Variants in FBN1 observed in about 807,000 individuals in gnomAD.
FBN1 encodes fibrillin 1.
In FBN1, 29 loss-of-function variants were observed where a neutral mutation model predicts 365.1. The observed-to-expected ratio is 0.08, with a 90% CI of 0.06 to 0.11. FBN1 has a LOEUF of 0.11. Ranked by LOEUF, FBN1 falls within the 10% of genes least tolerant of loss-of-function variation. The pLI, the probability that FBN1 is intolerant of heterozygous loss-of-function variation, is 1.00. For synonymous variants in FBN1, 1,210 were observed against 1,270.5 expected, an observed-to-expected ratio of 0.95 and a Z score of 1.01; for missense variants, 2,476 against 3,703.2, an observed-to-expected ratio of 0.67 and a Z score of 8.60.
chr15:48,412,829 T>C, intron 64 of FBN1, 86 bp from the exon 65 acceptor site: 2 of 1,521,514 alleles, frequency 1.3e-6, no homozygotes, highest in Middle Eastern at 2.3e-4. Context: ...AGCCTGTTCC[T>C]TGCAGTTGTG....
chr15:48,452,292 C>A lies in FBN1; in HGVS notation c.5545+270G>T, dbSNP rs2245752. Among the ~76,000 whole-genome samples, 100,413 of 152,034 alleles carry A rather than the reference C, an allele frequency of 0.66. 34,378 individuals are homozygous for A. The highest frequency in any genetic ancestry group is 0.77 in the Middle Eastern group (227 of 294). On this transcript the variant is annotated intron_variant, in intron 45 of 65. Transcript: ENST00000316623. ...TGGGGGTGAGTGTTTGCAGGCAGGG[C>A]AGCAGACAGGCAAATACGAAATCTA...
chr15:48,575,434 T>G (rs575466474), intron 6 of FBN1, among the ~76,000 whole-genome samples: 1 of 152,192 alleles, frequency 6.6e-6, no homozygotes, highest in Non-Finnish European at 1.5e-5. Context: ...GCTTTTACTG[T>G]ACCCATTATC....
At chr15:48,560,941 C>T (rs2044218272) in intron 6 of FBN1, among the ~76,000 whole-genome samples, 1 of 152,124 alleles carries the variant, frequency 6.6e-6, no homozygotes, top group Non-Finnish European at 1.5e-5. Context: ...AGGGATCATG[C>T]CATACTACCC....
intron 6 of FBN1, among the ~76,000 whole-genome samples, chr15:48,552,283 T>C (rs1260425111): frequency 6.6e-6 from 1 of 151,712 alleles, no homozygotes; most frequent in African/African-American, 2.4e-5. Context: ...TTTCTTTTTT[T>C]TTTTTTTGAG....
intron 6 of FBN1, among the ~76,000 whole-genome samples, chr15:48,565,452 A>G (rs2044252966): frequency 6.6e-6 from 1 of 152,118 alleles, no homozygotes; most frequent in Non-Finnish European, 1.5e-5. Flanking sequence ...CCTAACATTA[A>G]TGAACATATC....
chr15:48,644,406 C>A (rs942237778), intron 2 of FBN1, 200 bp downstream of exon 2: 4 of 722,666 alleles, frequency 5.5e-6, no homozygotes, highest in Non-Finnish European at 9.4e-6. Context: ...CACGTCCTCT[C>A]CTTTGGGGCA....
chr15:48,528,688 C>T (rs1366893149), intron 8 of FBN1, among the ~76,000 whole-genome samples: 1 of 152,118 alleles, frequency 6.6e-6, no homozygotes. Flanking sequence ...ATAGTGCACA[C>T]CTCCCTGAGT....
At chr15:48,600,767 A>G (rs1206136670) in intron 4 of FBN1, among the ~76,000 whole-genome samples, 1 of 152,202 alleles carries the variant, frequency 6.6e-6, no homozygotes, top group African/African-American at 2.4e-5. Flanking sequence ...ATAGTGCTAA[A>G]TGACTTCTTT....
At chr15:48,469,428 CTT>C (rs1275154364) in intron 36 of FBN1, among the ~76,000 whole-genome samples, 2 of 152,078 alleles carry the variant, frequency 1.3e-5, no homozygotes, top group African/African-American at 4.8e-5. Context: ...GAATATTTCC[CTT>C]TCAGTTTCTA....
intron 50 of FBN1, among the ~76,000 whole-genome samples, chr15:48,439,477 A>G (rs2043096897): frequency 1.3e-5 from 2 of 152,200 alleles, no homozygotes; most frequent in Non-Finnish European, 2.9e-5. Flanking sequence ...GATCTCTTTT[A>G]TTCTTCAAGT....
At chr15:48,580,917 A>G (rs1019684171) in intron 6 of FBN1, among the ~76,000 whole-genome samples, 3 of 152,182 alleles carry the variant, frequency 2.0e-5, no homozygotes, top group Non-Finnish European at 4.4e-5. Flanking sequence ...CAAAACAGAG[A>G]CTAAAACTGC....
At chr15:48,645,218 G>C (rs1247162536) in intron 1 of FBN1, among the ~76,000 whole-genome samples, 1 of 152,182 alleles carries the variant, frequency 6.6e-6, no homozygotes, top group South Asian at 2.1e-4. Context: ...TAAGCCCCGG[G>C]CGAGCTCTCT....
At chr15:48,453,726 A>G (rs1597538881) in intron 44 of FBN1, among the ~76,000 whole-genome samples, 1 of 152,090 alleles carries the variant, frequency 6.6e-6, no homozygotes, top group East Asian at 1.9e-4. Context: ...GATGCTGATG[A>G]TGGGGGAGGC....
intron 63 of FBN1, among the ~76,000 whole-genome samples, chr15:48,416,442 C>T (rs1251582051): frequency 1.3e-5 from 2 of 152,152 alleles, no homozygotes; most frequent in African/African-American, 2.4e-5. Context: ...ATCACCGAAT[C>T]GGCCCCCTCC....
intron 10 of FBN1, 149 bp from the exon 11 acceptor site, chr15:48,516,511 C>T: frequency 1.2e-6 from 1 of 807,934 alleles, no homozygotes. Flanking sequence ...GAAAAAGAAC[C>T]AACTGACTGG....
intron 4 of FBN1, among the ~76,000 whole-genome samples, chr15:48,608,477 A>G (rs1207220949): frequency 6.6e-6 from 1 of 152,200 alleles, no homozygotes; most frequent in East Asian, 1.9e-4. Flanking sequence ...ACTCCAAAAG[A>G]TGAGAAATGA....
At chr15:48,474,224 G>A (rs375950691) in intron 34 of FBN1, 31 bp downstream of exon 34, 2 of 1,613,832 alleles carry the variant, frequency 1.2e-6, no homozygotes, top group South Asian at 1.1e-5. Flanking sequence ...TCTGACTAGT[G>A]TTGACACAGT....
Position 48,632,837 on chromosome 15 carries a change from T to A in FBN1, c.164+11769A>T, listed in dbSNP as rs1890012795. ...GGAAATGTTCAGGCACTTTCTCAGA[T>A]TCCAGCTAAAACACCGACTATGTGA... On this transcript the variant is annotated intron_variant, in intron 2 of 65. Coordinates refer to ENST00000316623, the MANE Select transcript of FBN1 (RefSeq NM_000138.5). Among the ~76,000 whole-genome samples, 3 of 152,302 alleles carry A rather than the reference T, an allele frequency of 2.0e-5. No individual in the cohort carries two copies. The South Asian group carries it at 6.2e-4, about 32-fold the overall frequency.
intron 50 of FBN1, among the ~76,000 whole-genome samples, chr15:48,440,226 A>G (rs538639039): frequency 6.6e-6 from 1 of 152,326 alleles, no homozygotes; most frequent in East Asian, 1.9e-4. Flanking sequence ...TCAGAACTAC[A>G]AAAGTCACTT....
Sources: gnomAD v4.1 joint callset for allele counts (sites outside exome capture counted in the v4.1 genomes callset) on GRCh38, gnomAD v4.1.1 for gene constraint, MANE v1.5 for transcripts, NCBI Gene and HGNC (gene_info 2026-07-23, HGNC 2026-07-21) for gene names.